Variants in RUFY1 observed in about 807,000 individuals in gnomAD.
The protein encoded by RUFY1 is RUN and FYVE domain containing 1, also known as RUN and FYVE domain-containing protein 1.
A neutral mutation model predicts 94.6 loss-of-function variants in RUFY1; 54 were observed. The ratio of observed to expected loss-of-function variants is 0.57; its 90% confidence interval spans 0.46 to 0.72. RUFY1 has a LOEUF of 0.72. RUFY1 is among the 30% of genes least tolerant of loss of function. The pLI is 0.00. For missense variants in RUFY1, 883 were observed against 883.9 expected, an observed-to-expected ratio of 1.00 and a Z score of 0.01; for synonymous variants, 396 against 347.3, an observed-to-expected ratio of 1.14 and a Z score of -1.56.
chr5:179,607,626 G>A lies in RUFY1; in HGVS notation c.1950G>A (p.Gln650=). ...LKDDEATHCR[Q]CEKEFSISRR... The stretch of plus-strand genomic sequence containing the variant: ...ATGACGAAGCGACACACTGTAGGCA[G>A]TGTGAGAAGGAGTTCTCCATTTCCC... Residue 650 remains glutamine, a synonymous_variant, in exon 17 of 18, where the codon CAG becomes CAA. Coordinates refer to ENST00000319449, the MANE Select transcript of RUFY1 (RefSeq NM_025158.5). The A allele has an allele frequency of 6.2e-7, 1 of 1,614,244 alleles. No homozygotes were observed. Among genetic ancestry groups the A allele is most frequent in the South Asian group, 1.1e-5 (1 of 91,088 alleles).
At chr5:179,609,191 A>G (rs1767445258) in intron 17 of RUFY1, among the ~76,000 whole-genome samples, 185 bp from the exon 18 acceptor site, 1 of 129,170 alleles carries the variant, frequency 7.7e-6, no homozygotes, top group Non-Finnish European at 1.6e-5. Context: ...CGGGCGACTG[A>G]GCAAGACTCT....
At chr5:179,588,206 A>C (rs556946889) in intron 8 of RUFY1, among the ~76,000 whole-genome samples, 1 of 152,240 alleles carries the variant, frequency 6.6e-6, no homozygotes, top group Admixed American at 6.5e-5. Flanking sequence ...TTCTGAGTCT[A>C]AGTGGAGAGG....
At chr5:179,559,532 C>G (rs1347363704) in intron 1 of RUFY1, among the ~76,000 whole-genome samples, 1 of 152,206 alleles carries the variant, frequency 6.6e-6, no homozygotes, top group East Asian at 1.9e-4. Context: ...CATCCTCCTC[C>G]GTCCGGGACA....
intron 3 of RUFY1, among the ~76,000 whole-genome samples, chr5:179,566,226 T>G (rs1168561161): frequency 6.6e-6 from 1 of 152,150 alleles, no homozygotes; most frequent in Non-Finnish European, 1.5e-5. Flanking sequence ...TGCAGGCCTG[T>G]TCTTTCTTTC....
In RUFY1 at chr5:179,596,498, G is replaced by C. The variant is rs1375445520; in HGVS notation, c.1512-64G>C. 3 of 1,599,604 alleles carry C rather than the reference G, an allele frequency of 1.9e-6. No individual in the cohort carries two copies. In the African/African-American group the frequency reaches 4.0e-5, roughly 21 times the overall value. ...TAATTTTAAAAATGAATTTCAGCCAGCAAAAGTCATCCTTTCCTTACAAAG... is the reference window on the plus strand; with the variant it reads ...TAATTTTAAAAATGAATTTCAGCCACCAAAAGTCATCCTTTCCTTACAAAG... On this transcript the variant is annotated intron_variant, in intron 12 of 17. Coordinates refer to ENST00000319449, the MANE Select transcript of RUFY1 (RefSeq NM_025158.5).
At position 179,596,816 on chromosome 5, in the gene RUFY1, A is replaced by C. The variant is rs544470868; in HGVS notation, c.1631+135A>C. On this transcript the variant is annotated intron_variant, in intron 13 of 17. Coordinates refer to ENST00000319449, the MANE Select transcript of RUFY1 (RefSeq NM_025158.5). Reference sequence around the variant, plus strand: ...GGGGCAGGTGGTATCCTGCTTCACCACTCACCCCTGCAGGGTTCGTATGTT... The same window carrying C: ...GGGGCAGGTGGTATCCTGCTTCACCCCTCACCCCTGCAGGGTTCGTATGTT... 12 of 1,132,814 alleles carry C rather than the reference A, an allele frequency of 1.1e-5. No individual in the cohort carries two copies. In the Admixed American group the frequency reaches 2.5e-4, roughly 23 times the overall value. The allele number at this position is 1,132,814 out of a possible 1,614,324, so 70.2% of individuals were successfully genotyped here. A position where few individuals can be genotyped will look rare whatever the true frequency, so the allele number is the denominator to read the frequency against.
intron 1 of RUFY1, among the ~76,000 whole-genome samples, chr5:179,552,164 C>CA (rs563730431): frequency 0.54 from 39,222 of 73,042 alleles, 11,670 homozygotes; most frequent in Non-Finnish European, 0.61. Context: ...GACTCTGTCT[C>CA]AAAAAAAAAA....
At chr5:179,565,207 T>C (rs1762753751) in intron 3 of RUFY1, among the ~76,000 whole-genome samples, 1 of 125,236 alleles carries the variant, frequency 8.0e-6, no homozygotes, top group Non-Finnish European at 1.6e-5. Context: ...AGAGTCTCAC[T>C]CTATCGCCCA....
chr5:179,554,946 T>A (rs982164646), intron 1 of RUFY1, among the ~76,000 whole-genome samples: 1 of 151,762 alleles, frequency 6.6e-6, no homozygotes, highest in Admixed American at 6.6e-5. Context: ...CCAGCCTGGG[T>A]GACGAGCAAA....
At chr5:179,553,819 G>A (rs923539280) in intron 1 of RUFY1, among the ~76,000 whole-genome samples, 4 of 152,236 alleles carry the variant, frequency 2.6e-5, no homozygotes, top group African/African-American at 9.6e-5. Context: ...TTTAAGGAAA[G>A]TATTAATAAC....
chr5:179,601,522 C>CTTTT (rs1228880111), intron 14 of RUFY1, among the ~76,000 whole-genome samples: 5 of 141,942 alleles, frequency 3.5e-5, no homozygotes, highest in African/African-American at 1.3e-4. Flanking sequence ...GTTGCTGAAT[C>CTTTT]TTTTTTTTTT....
intron 13 of RUFY1, among the ~76,000 whole-genome samples, chr5:179,597,783 A>T (rs1291391411): frequency 6.6e-6 from 1 of 152,234 alleles, no homozygotes. Flanking sequence ...GCGGTCCAGC[A>T]GTGCCCCCAG....
intron 12 of RUFY1, among the ~76,000 whole-genome samples, chr5:179,595,323 C>A (rs1765516400): frequency 6.6e-6 from 1 of 152,048 alleles, no homozygotes; most frequent in Non-Finnish European, 1.5e-5. Context: ...ACTAAAAATA[C>A]AAAAAATTAG....
intron 3 of RUFY1, among the ~76,000 whole-genome samples, chr5:179,565,293 C>T (rs1343663862): frequency 6.6e-6 from 1 of 150,628 alleles, no homozygotes; most frequent in Non-Finnish European, 1.5e-5. Context: ...ATTCTCATGC[C>T]TCAGCTTCCT....
chr5:179,580,622 C>T (rs1029083458), intron 6 of RUFY1, among the ~76,000 whole-genome samples: 2 of 151,630 alleles, frequency 1.3e-5, no homozygotes, highest in Non-Finnish European at 2.9e-5. Context: ...AAGTCCCGTG[C>T]GCTCCTTTCC....
intron 9 of RUFY1, among the ~76,000 whole-genome samples, chr5:179,590,619 G>A (rs1048446568): frequency 6.6e-6 from 1 of 151,082 alleles, no homozygotes; most frequent in Admixed American, 6.6e-5. Flanking sequence ...CCAGTAGCTG[G>A]GACTACAGGC....
chr5:179,560,725 C>CAAAAA (rs68093858), intron 2 of RUFY1, among the ~76,000 whole-genome samples: 3 of 78,796 alleles, frequency 3.8e-5, no homozygotes, highest in Non-Finnish European at 5.0e-5. Flanking sequence ...GACTCCGTCT[C>CAAAAA]AAAAAAAAAA....
At chr5:179,559,668 G>A in intron 1 of RUFY1, 1 of 1,027,840 alleles carries the variant, frequency 9.7e-7, no homozygotes, top group Non-Finnish European at 1.2e-6. Context: ...AGGGCTTCCT[G>A]TAGGTAGCGC....
intron 5 of RUFY1, among the ~76,000 whole-genome samples, chr5:179,575,309 G>A (rs1304856315): frequency 6.6e-6 from 1 of 152,096 alleles, no homozygotes; most frequent in Non-Finnish European, 1.5e-5. Context: ...TCAGGTGATG[G>A]CTGGGGCTGA....
Sources: allele counts gnomAD v4.1 joint callset (sites outside exome capture counted in the v4.1 genomes callset), GRCh38; gene constraint gnomAD v4.1.1; transcripts MANE v1.5; gene names NCBI Gene and HGNC (gene_info 2026-07-23, HGNC 2026-07-21).